Variants in RBFOX1 observed in about 807,000 individuals in gnomAD.
RBFOX1 encodes the protein RNA binding protein fox-1 homolog 1.
In RBFOX1, 8 loss-of-function variants were observed where a neutral mutation model predicts 57.7. The ratio of observed to expected loss-of-function variants is 0.14; its 90% CI spans 0.08 to 0.25. The LOEUF is 0.25. RBFOX1 is among the 10% of genes least tolerant of loss of function. The pLI, the probability that RBFOX1 is intolerant of heterozygous loss-of-function variation, is 1.00. For synonymous variants in RBFOX1, 326 were observed against 222.4 expected (o/e 1.47, Z -4.15); for missense variants, 611 against 548.5 (o/e 1.11, Z -1.14).
intron 4 of RBFOX1, among the ~76,000 whole-genome samples, chr16:7,451,182 G>A (rs1324512987): frequency 6.6e-6 from 1 of 152,154 alleles, no homozygotes; most frequent in Non-Finnish European, 1.5e-5. Flanking sequence ...GTCTGGGTGA[G>A]GGACATCGGA....
intron 2 of RBFOX1, among the ~76,000 whole-genome samples, chr16:6,572,130 C>G (rs1487527651): frequency 6.6e-6 from 1 of 152,144 alleles, no homozygotes; most frequent in African/African-American, 2.4e-5. Context: ...AGAACATAAT[C>G]TCATTGTCAT....
At chr16:6,250,856 G>A (rs1027781769) in intron 1 of RBFOX1, among the ~76,000 whole-genome samples, 4 of 152,166 alleles carry the variant, frequency 2.6e-5, no homozygotes, top group African/African-American at 9.6e-5. Flanking sequence ...GCTTGGCCAA[G>A]TGAGAGTGGT....
chr16:6,693,892 G>A (rs17140930), intron 3 of RBFOX1, among the ~76,000 whole-genome samples: 10,811 of 152,206 alleles, frequency 0.071, 469 homozygotes, highest in African/African-American at 0.12. Flanking sequence ...TACAATGTTG[G>A]ATCCTTTATG....
At chr16:7,418,592 A>G (rs1486261688) in intron 4 of RBFOX1, among the ~76,000 whole-genome samples, 3 of 152,240 alleles carry the variant, frequency 2.0e-5, no homozygotes, top group Non-Finnish European at 2.9e-5. Context: ...AAAGACCCAA[A>G]CAATATTTGG....
At chr16:7,366,030 A>C (rs1253741821) in intron 4 of RBFOX1, among the ~76,000 whole-genome samples, 1 of 152,206 alleles carries the variant, frequency 6.6e-6, no homozygotes, top group African/African-American at 2.4e-5. Flanking sequence ...AGAAACTCCC[A>C]GGGAAGGTTT....
chr16:6,250,578 C>A (rs1336341748), intron 1 of RBFOX1, among the ~76,000 whole-genome samples: 1 of 152,146 alleles, frequency 6.6e-6, no homozygotes, highest in East Asian at 1.9e-4. Context: ...AATTTTCATG[C>A]AGGAGAAGCC....
At chr16:6,839,996 CAAAAT>C (rs1245397249) in intron 3 of RBFOX1, among the ~76,000 whole-genome samples, 1 of 151,994 alleles carries the variant, frequency 6.6e-6, no homozygotes, top group Non-Finnish European at 1.5e-5. Flanking sequence ...TTGGTATAAA[CAAAAT>C]AATATCTGTA....
At chr16:5,494,228 A>G (rs2042926984) in intron 2 of RBFOX1, among the ~76,000 whole-genome samples, 1 of 152,260 alleles carries the variant, frequency 6.6e-6, no homozygotes, top group African/African-American at 2.4e-5. Flanking sequence ...GGCGGATGCT[A>G]CCCTCATCCA....
chr16:6,484,725 GGCTCCAA>G (rs1294558987), intron 2 of RBFOX1, among the ~76,000 whole-genome samples: 1 of 152,006 alleles, frequency 6.6e-6, no homozygotes, highest in African/African-American at 2.4e-5. Flanking sequence ...TACTTAAGAG[GGCTCCAA>G]GCAGAATTGT....
rs1039383130 is a variant in RBFOX1 at position 6,324,325 on chromosome 16, T to C, written c.-64+7268T>C. Among the ~76,000 whole-genome samples, 10 of 152,298 alleles carry C rather than the reference T, an allele frequency of 6.6e-5. 1 individual carries two copies. The highest frequency in any genetic ancestry group is 1.2e-4 in the African/African-American group (5 of 41,558). On this transcript the variant is annotated intron_variant, in intron 2 of 15. Coordinates refer to ENST00000550418, the MANE Select transcript of RBFOX1 (RefSeq NM_018723.4). ...GAACTAGAATGGAGTGTCAATTTGT[T>C]CTCACATTGCTATAAAGAGATACCT...
chr16:6,466,124 G>A (rs917392212), intron 2 of RBFOX1, among the ~76,000 whole-genome samples: 4 of 151,750 alleles, frequency 2.6e-5, no homozygotes, highest in Non-Finnish European at 5.9e-5. Flanking sequence ...AGCTACTTGG[G>A]AGGCTGAGGC....
At chr16:7,341,906 A>G (rs1173640067) in intron 4 of RBFOX1, among the ~76,000 whole-genome samples, 1 of 151,732 alleles carries the variant, frequency 6.6e-6, no homozygotes, top group East Asian at 2.0e-4. Flanking sequence ...AGACTAAAGT[A>G]ATAGAGTTCA....
chr16:5,728,840 T>C (rs754708120), intron 3 of RBFOX1, among the ~76,000 whole-genome samples: 13 of 152,122 alleles, frequency 8.5e-5, no homozygotes, highest in Non-Finnish European at 1.3e-4. Context: ...AGTTCCAAGA[T>C]CACCTTTAAG....
At chr16:6,320,448 A>T (rs1340401099) in intron 2 of RBFOX1, among the ~76,000 whole-genome samples, 1 of 152,160 alleles carries the variant, frequency 6.6e-6, no homozygotes, top group Non-Finnish European at 1.5e-5. Context: ...TAAAGAACTC[A>T]TCCATGTAAC....
intron 9 of RBFOX1, among the ~76,000 whole-genome samples, chr16:7,602,033 G>T (rs569924851): frequency 2.0e-5 from 3 of 152,158 alleles, no homozygotes; most frequent in Non-Finnish European, 4.4e-5. Context: ...TTGACAGGCA[G>T]TTTTTGTAAT....
At chr16:7,235,508 C>CA in intron 4 of RBFOX1, among the ~76,000 whole-genome samples, 1 of 152,302 alleles carries the variant, frequency 6.6e-6, no homozygotes, top group Non-Finnish European at 1.5e-5. Context: ...TAGTTTTTGA[C>CA]ATTTTATGGG....
chr16:6,137,166 T>A (rs1176833280), intron 1 of RBFOX1, among the ~76,000 whole-genome samples: 1 of 152,210 alleles, frequency 6.6e-6, no homozygotes, highest in Admixed American at 6.5e-5. Flanking sequence ...GCGTACAAAT[T>A]TTGTCAGTGG....
chr16:7,292,233 G>A (rs1467504861), intron 4 of RBFOX1, among the ~76,000 whole-genome samples: 10 of 95,700 alleles, frequency 1.0e-4, no homozygotes, highest in East Asian at 7.3e-4. Context: ...GATATAGAAC[G>A]TATTATATAT....
intron 7 of RBFOX1, among the ~76,000 whole-genome samples, chr16:7,594,132 C>G (rs1019990253): frequency 2.6e-5 from 4 of 152,116 alleles, no homozygotes; most frequent in Admixed American, 6.5e-5. Flanking sequence ...CCCAGCCCCC[C>G]ACCCCGTGAC....
Sources: allele counts gnomAD v4.1 joint callset (sites outside exome capture counted in the v4.1 genomes callset), GRCh38; gene constraint gnomAD v4.1.1; transcripts MANE v1.5; gene names NCBI Gene and HGNC (gene_info 2026-07-23, HGNC 2026-07-21).